The following SPECC1 variants were observed in gnomAD, a reference collection of about 807,000 sequenced individuals.
The protein encoded by SPECC1 is sperm antigen with calponin homology and coiled-coil domains 1.
A neutral mutation model predicts 104.1 loss-of-function variants in SPECC1; 62 were observed. That is an observed-to-expected ratio of 0.60 (90% CI 0.49 to 0.74). The LOEUF is 0.74. Ranked by LOEUF, SPECC1 falls within the 30% of genes least tolerant of loss-of-function variation. The pLI is 0.00. For synonymous variants in SPECC1, 513 were observed against 501.6 expected (o/e 1.02, Z -0.30); for missense variants, 1,306 against 1,310.5 (o/e 1.00, Z 0.05).
chr17:20,274,507 CTTTTTTT>C lies in SPECC1; in HGVS notation c.2940+14225_2940+14231del, dbSNP rs1162367833. ...GTTTTGTTTCCTTTTTTTCTTTTTT[CTTTTTTT>C]TTTTTTTTTTTGAGAGGTAGTCTCA... On this transcript the variant is annotated intron_variant, in intron 12 of 14. Coordinates refer to ENST00000395527, the MANE Select transcript of SPECC1 (RefSeq NM_001243439.2). 9.7e-3 allele frequency among the ~76,000 whole-genome samples: 1,270 copies of C among 131,462 alleles called. 8 individuals carry two copies. Among genetic ancestry groups the C allele is most frequent in the Middle Eastern group, 0.02 (5 of 250 alleles). The allele number at this position is 131,462 out of a possible 152,430, so 86.2% of individuals were successfully genotyped here.
At chr17:20,253,649 T>C (rs2039715233) in intron 10 of SPECC1, 63 bp downstream of exon 10, 12 of 1,479,912 alleles carry the variant, frequency 8.1e-6, no homozygotes, top group Non-Finnish European at 1.0e-5. Context: ...TTTTCTTCAT[T>C]TCTCTGCATG....
intron 9 of SPECC1, among the ~76,000 whole-genome samples, chr17:20,249,501 T>C (rs967761561): frequency 2.0e-5 from 3 of 151,800 alleles, no homozygotes; most frequent in African/African-American, 7.3e-5. Context: ...AAATAGACAA[T>C]AGAAACAGAC....
Position 20,128,454 on chromosome 17 carries a change from CAAG to C in SPECC1, c.283+17893_283+17895del, listed in dbSNP as rs1253707052. Among the ~76,000 whole-genome samples, 3 of 152,136 alleles carry C rather than the reference CAAG, an allele frequency of 2.0e-5. No individual in the cohort carries two copies. In the East Asian group the frequency reaches 5.8e-4, roughly 29 times the overall value. ...CCTATTCAGGAGTGCTGTCAGATCA[CAAG>C]GAGGGAGCAGGAAGCAGGAAGCAGG... is the stretch of plus-strand genomic sequence containing the variant. On this transcript the variant is annotated intron_variant, in intron 3 of 14. Transcript: ENST00000395527.
intron 12 of SPECC1, among the ~76,000 whole-genome samples, chr17:20,266,073 A>G (rs914231457): frequency 6.6e-6 from 1 of 152,226 alleles, no homozygotes; most frequent in African/African-American, 2.4e-5. Flanking sequence ...TTTTGGTTCC[A>G]TATGAATTTT....
At chr17:20,129,329 G>C (rs2049484492) in intron 3 of SPECC1, among the ~76,000 whole-genome samples, 1 of 151,832 alleles carries the variant, frequency 6.6e-6, no homozygotes, top group Non-Finnish European at 1.5e-5. Flanking sequence ...GGGACTACAG[G>C]CGCCTGCCAC....
intron 1 of SPECC1, among the ~76,000 whole-genome samples, chr17:20,050,109 C>T (rs1475521045): frequency 6.6e-6 from 1 of 152,136 alleles, no homozygotes; most frequent in Non-Finnish European, 1.5e-5. Flanking sequence ...GAGCCACCGC[C>T]CCTGGCCAAT....
chr17:20,178,839 G>A (rs184876356), intron 3 of SPECC1, among the ~76,000 whole-genome samples: 15 of 152,362 alleles, frequency 9.8e-5, no homozygotes, highest in Admixed American at 9.1e-4. Context: ...TTAGACTTCA[G>A]ATTGAAAGGA....
At chr17:20,156,200 G>A in intron 3 of SPECC1, 2 of 1,446,488 alleles carry the variant, frequency 1.4e-6, no homozygotes, top group East Asian at 3.0e-5. Flanking sequence ...GCCAAGCATG[G>A]GCAACCACTC....
intron 12 of SPECC1, among the ~76,000 whole-genome samples, chr17:20,292,946 C>T (rs982641939): frequency 1.3e-5 from 2 of 152,146 alleles, no homozygotes; most frequent in African/African-American, 4.8e-5. Context: ...TCCTGAAAGC[C>T]GGTGCTTTTG....
At position 20,205,457 on chromosome 17, in the gene SPECC1, T is replaced by C; in HGVS notation, c.1408T>C (p.Cys470Arg). Residue 470 changes from cysteine (C) to arginine (R), a missense_variant, in exon 4 of 15, where the codon TGC (cysteine) becomes CGC (arginine). Coordinates refer to ENST00000395527, the MANE Select transcript of SPECC1 (RefSeq NM_001243439.2). ...EGKIIELEQK[C>R]TGILEQGRFE... ...AAAAATTATTGAACTGGAGCAGAAG[T>C]GCACAGGTATTCTTGAACAGGGCCG... The C allele has an allele frequency of 3.7e-6, 6 of 1,614,088 alleles. No individual in the cohort carries two copies. Among genetic ancestry groups the C allele is most frequent in the Non-Finnish European group, 5.1e-6 (6 of 1,180,034 alleles).
chr17:20,178,443 G>A (rs1026817081), intron 3 of SPECC1, among the ~76,000 whole-genome samples: 1 of 152,166 alleles, frequency 6.6e-6, no homozygotes, highest in African/African-American at 2.4e-5. Flanking sequence ...CAAAGAAATA[G>A]TGTGATCCAC....
intron 3 of SPECC1, among the ~76,000 whole-genome samples, chr17:20,162,763 C>CA (rs1413989388): frequency 6.6e-6 from 1 of 152,170 alleles, no homozygotes; most frequent in African/African-American, 2.4e-5. Context: ...TGCAGTGGCT[C>CA]ACGCCTGTAA....
chr17:20,253,426 ATGCACACACACACATCTGTGTTTGT>A, intron 9 of SPECC1, 54 bp from the exon 10 acceptor site: 1 of 1,381,174 alleles, frequency 7.2e-7, no homozygotes, highest in Non-Finnish European at 1.0e-6. Context: ...ACACACACGC[ATGCACACACACACATCTGTGTTTGT>A]GCTATTCTTG....
chr17:20,295,164 T>TG (rs1246323979), intron 12 of SPECC1, among the ~76,000 whole-genome samples: 1 of 101,602 alleles, frequency 9.8e-6, no homozygotes, highest in African/African-American at 3.8e-5. Flanking sequence ...ATGCTATCCC[T>TG]CCCCCCTCCC....
chr17:20,164,621 T>G (rs920852046), intron 3 of SPECC1, among the ~76,000 whole-genome samples: 47 of 152,224 alleles, frequency 3.1e-4, no homozygotes, highest in Non-Finnish European at 2.4e-4. Context: ...ATATTTGGTT[T>G]GAGCATATTC....
intron 1 of SPECC1, among the ~76,000 whole-genome samples, chr17:20,067,987 T>C (rs2046417951): frequency 6.6e-6 from 1 of 152,010 alleles, no homozygotes; most frequent in African/African-American, 2.4e-5. Context: ...GTGTGGCTTC[T>C]CTTTTTTTTT....
chr17:20,017,758 G>C (rs1334850677), intron 1 of SPECC1, among the ~76,000 whole-genome samples: 1 of 151,888 alleles, frequency 6.6e-6, no homozygotes, highest in African/African-American at 2.4e-5. Context: ...TTTATTTCTT[G>C]GTATATCACA....
Position 20,316,532 on chromosome 17 carries a change from A to C in SPECC1, c.*2467A>C, listed in dbSNP as rs2042042006. The C allele has an allele frequency of 1.1e-5, 2 of 185,780 alleles. No homozygotes were observed. The highest frequency in any genetic ancestry group is 6.2e-5 in the Admixed American group (1 of 16,056). 11.5% of individuals were successfully genotyped at this position (185,780 alleles called of 1,614,324 possible). A position where few individuals can be genotyped will look rare whatever the true frequency, so the allele number is the denominator to read the frequency against. On this transcript the variant is annotated 3_prime_UTR_variant, in exon 15 of 15. Transcript: ENST00000395527. ...CAGGTGCCCATCACCACACCCAGCT[A>C]ATGTTTTTGTATTTTTAGTAAAGAG... is the stretch of plus-strand genomic sequence containing the variant.
chr17:20,063,598 G>A (rs370669206), intron 1 of SPECC1, among the ~76,000 whole-genome samples: 13 of 152,176 alleles, frequency 8.5e-5, no homozygotes, highest in African/African-American at 2.9e-4. Context: ...CGTTCATGTA[G>A]AGGAAGGTGG....
Sources: gnomAD v4.1 joint callset for allele counts (sites outside exome capture counted in the v4.1 genomes callset) on GRCh38, gnomAD v4.1.1 for gene constraint, MANE v1.5 for transcripts, NCBI Gene and HGNC (gene_info 2026-07-23, HGNC 2026-07-21) for gene names.